The following ASB5 variants were observed in gnomAD, a reference collection of about 807,000 sequenced individuals.
ASB5 encodes the protein ankyrin repeat and SOCS box protein 5.
ASB5 carries 45 observed loss-of-function variants against 42.1 expected under a neutral mutation model. The observed-to-expected ratio is 1.07, with a 90% CI of 0.84 to 1.37. The LOEUF (loss-of-function observed/expected upper bound fraction) is 1.37, where lower values mean the gene tolerates loss of function less well. ASB5 is among the 40% of genes most tolerant of loss of function. ASB5 has a pLI of 0.00. For synonymous variants in ASB5, 147 were observed against 150.6 expected (o/e 0.98, Z 0.18); for missense variants, 402 against 399.8 (o/e 1.01, Z -0.05).
chr4:176,272,309 G>T (rs542200232), upstream of ASB5, among the ~76,000 whole-genome samples: 12 of 152,268 alleles, frequency 7.9e-5, no homozygotes, highest in East Asian at 2.1e-3. Flanking sequence ...TGCTTTTAAT[G>T]GCAAAAATCG....
At chr4:176,216,772 G>T in intron 6 of ASB5, 46 bp downstream of exon 6, 2 of 1,450,498 alleles carry the variant, frequency 1.4e-6, no homozygotes, top group South Asian at 1.4e-5. Context: ...TCTATTTTAG[G>T]CAAATATATT....
chr4:176,230,807 C>T (rs73007163), intron 1 of ASB5, among the ~76,000 whole-genome samples: 2,448 of 152,282 alleles, frequency 0.016, 67 homozygotes, highest in African/African-American at 0.054. Context: ...TCTTTATGTG[C>T]AACTACTTAG....
intron 2 of ASB5, among the ~76,000 whole-genome samples, chr4:176,274,870 T>C (rs1207220469): frequency 6.6e-6 from 1 of 151,782 alleles, no homozygotes; most frequent in African/African-American, 2.4e-5. Context: ...AGAAGTGAAA[T>C]GATACCACAG....
intron 2 of ASB5, among the ~76,000 whole-genome samples, chr4:176,275,157 C>T (rs1025329250): frequency 4.6e-5 from 7 of 152,022 alleles, no homozygotes; most frequent in East Asian, 3.9e-4. Context: ...TCAGGTGATC[C>T]GCCCGTCTCG....
chr4:176,249,866 C>G (rs552696708), intron 1 of ASB5, among the ~76,000 whole-genome samples: 2 of 151,784 alleles, frequency 1.3e-5, no homozygotes, highest in South Asian at 4.1e-4. Context: ...GAGATGGAGA[C>G]CATCCTGGCT....
At chr4:176,264,815 T>C (rs1344408631) in intron 1 of ASB5, among the ~76,000 whole-genome samples, 1 of 151,962 alleles carries the variant, frequency 6.6e-6, no homozygotes, top group Non-Finnish European at 1.5e-5. Flanking sequence ...TAAGGTAACA[T>C]TTTCTCTTTC....
At chr4:176,232,963 G>C (rs933209254) in intron 1 of ASB5, among the ~76,000 whole-genome samples, 3 of 152,166 alleles carry the variant, frequency 2.0e-5, no homozygotes, top group Non-Finnish European at 4.4e-5. Flanking sequence ...AGATAGACCT[G>C]AGTTCAAATT....
At chr4:176,222,527 A>C (rs1020630231) in intron 2 of ASB5, 107 bp from the exon 3 acceptor site, 11 of 1,013,152 alleles carry the variant, frequency 1.1e-5, no homozygotes, top group African/African-American at 1.6e-5. Context: ...AAAGAATCTC[A>C]GGCAAACGAG....
chr4:176,218,354 ATT>A (rs1316757981), intron 5 of ASB5, among the ~76,000 whole-genome samples: 6 of 104,806 alleles, frequency 5.7e-5, no homozygotes, highest in Non-Finnish European at 1.1e-4. Flanking sequence ...ATAAATATAT[ATT>A]TGTATGATAT....
At chr4:176,231,697 A>C (rs1204320719) in intron 1 of ASB5, among the ~76,000 whole-genome samples, 1 of 150,752 alleles carries the variant, frequency 6.6e-6, no homozygotes, top group African/African-American at 2.4e-5. Flanking sequence ...AAAAAAAATT[A>C]TCTGGGCATG....
intron 2 of ASB5, among the ~76,000 whole-genome samples, chr4:176,224,045 A>G (rs1186800481): frequency 6.6e-6 from 1 of 152,124 alleles, no homozygotes; most frequent in African/African-American, 2.4e-5. Context: ...AAGGAGGCTC[A>G]GGTAGGTTGT....
Position 176,214,817 on chromosome 4 carries a change from A to G in ASB5, c.*783T>C, listed in dbSNP as rs1476927623. On this transcript the variant is annotated 3_prime_UTR_variant, in exon 7 of 7. Transcript: ENST00000296525. The stretch of plus-strand genomic sequence containing the variant: ...AGCTATTGACAATTTCTGAAATGGA[A>G]GAAGGCTGGAGTAATATGCATATAA... The G allele has an allele frequency of 6.6e-6, 1 of 152,156 alleles. No homozygotes were observed. Among genetic ancestry groups the G allele is most frequent in the African/African-American group, 2.4e-5 (1 of 41,434 alleles). The allele number at this position is 152,156 out of a possible 1,614,324, so 9.4% of individuals were successfully genotyped here. A position where few individuals can be genotyped will look rare whatever the true frequency, so the allele number is the denominator to read the frequency against.
rs1414229109 is a variant in ASB5 at position 176,215,352 on chromosome 4, G to GAATTA, written c.*247_*248insTAATT. The GAATTA allele has an allele frequency of 7.5e-6, 2 of 265,356 alleles. No individual in the cohort carries two copies. Among genetic ancestry groups the GAATTA allele is most frequent in the Non-Finnish European group, 1.4e-5 (2 of 144,864 alleles). The allele number at this position is 265,356 out of a possible 1,614,324, so 16.4% of individuals were successfully genotyped here. On this transcript the variant is annotated 3_prime_UTR_variant, in exon 7 of 7. Transcript: ENST00000296525. ...GATAGTGACTTTATTATTTTTTCCT[G>GAATTA]AATAAACAGGAGGGTATATTGAAAT...
chr4:176,256,950 A>G (rs961308012), intron 1 of ASB5, among the ~76,000 whole-genome samples: 2 of 152,344 alleles, frequency 1.3e-5, no homozygotes, highest in Admixed American at 6.5e-5. Flanking sequence ...CACTTCCTGA[A>G]GAGACCAGCT....
At chr4:176,236,644 A>G (rs111954072) in intron 1 of ASB5, among the ~76,000 whole-genome samples, 2,012 of 152,298 alleles carry the variant, frequency 0.013, 42 homozygotes, top group African/African-American at 0.046. Flanking sequence ...TTCAAGCTCC[A>G]GCTATTACAT....
At chr4:176,231,076 C>T (rs1477313606) in intron 1 of ASB5, among the ~76,000 whole-genome samples, 1 of 152,118 alleles carries the variant, frequency 6.6e-6, no homozygotes, top group East Asian at 1.9e-4. Flanking sequence ...AGGGAGAGAG[C>T]CTGCCCTGTT....
chr4:176,219,458 AAT>A (rs71597432), intron 5 of ASB5, among the ~76,000 whole-genome samples: 864 of 57,172 alleles, frequency 0.015, 17 homozygotes, highest in Non-Finnish European at 0.025. Context: ...ATGATATATA[AAT>A]ATATATATTT....
At chr4:176,235,112 G>T (rs2126958337) in intron 1 of ASB5, among the ~76,000 whole-genome samples, 1 of 152,150 alleles carries the variant, frequency 6.6e-6, no homozygotes, top group East Asian at 1.9e-4. Context: ...TCCATAATGA[G>T]TCCATAATAA....
At chr4:176,249,312 A>G (rs1176567856) in intron 1 of ASB5, among the ~76,000 whole-genome samples, 1 of 152,232 alleles carries the variant, frequency 6.6e-6, no homozygotes, top group East Asian at 1.9e-4. Flanking sequence ...TCTGTAAACA[A>G]AGTTCTGACC....
Sources: gnomAD v4.1 joint callset for allele counts (sites outside exome capture counted in the v4.1 genomes callset) on GRCh38, gnomAD v4.1.1 for gene constraint, MANE v1.5 for transcripts, NCBI Gene and HGNC (gene_info 2026-07-23, HGNC 2026-07-21) for gene names.